The following CALCOCO1 variants were observed in gnomAD, a reference collection of about 807,000 sequenced individuals.
The protein encoded by CALCOCO1 is calcium binding and coiled-coil domain 1.
A neutral mutation model predicts 86.3 loss-of-function variants in CALCOCO1; 44 were observed. That is an observed-to-expected ratio of 0.51 (90% CI 0.40 to 0.66). The LOEUF is 0.66. Among genes scored for constraint, CALCOCO1 ranks in the 30% least tolerant of loss-of-function variants. CALCOCO1 has a pLI of 0.00. For missense variants in CALCOCO1, 708 were observed against 851.1 expected, an observed-to-expected ratio of 0.83 and a Z score of 2.09; for synonymous variants, 297 against 327.6, an observed-to-expected ratio of 0.91 and a Z score of 1.01.
intron 1 of CALCOCO1, among the ~76,000 whole-genome samples, chr12:53,727,127 G>A (rs1946057028): frequency 6.6e-6 from 1 of 152,042 alleles, no homozygotes; most frequent in African/African-American, 2.4e-5. Flanking sequence ...GAGCGAATAA[G>A]CAGATTTCAG....
At position 53,713,724 on chromosome 12, in the gene CALCOCO1, C is replaced by T. The variant is rs868841389; in HGVS notation, c.1768G>A (p.Ala590Thr). The T allele has an allele frequency of 1.3e-6, 2 of 1,583,076 alleles. No individual in the cohort carries two copies. Among genetic ancestry groups the T allele is most frequent in the Non-Finnish European group, 1.7e-6 (2 of 1,166,092 alleles). The change falls in exon 13 of 15, where the codon GCT becomes ACT. Residue 590 changes from alanine (A) to threonine (T), a missense_variant. Coordinates refer to ENST00000550804, the MANE Select transcript of CALCOCO1 (RefSeq NM_020898.3). ...ACCGAGTCAGAGCTACTGTCCTCAGCTGGCCCAGAGAGGTGAGGAGAAATG... is the reference window on the plus strand; with the variant it reads ...ACCGAGTCAGAGCTACTGTCCTCAGTTGGCCCAGAGAGGTGAGGAGAAATG... ...APISPHLSGP[A>T]EDSSSDSEAE...
intron 8 of CALCOCO1, 96 bp from the exon 9 acceptor site, chr12:53,716,143 C>A (rs2277370): frequency 6.3e-7 from 1 of 1,580,284 alleles, no homozygotes; most frequent in Non-Finnish European, 8.6e-7. Context: ...CATTAGGACT[C>A]GGGGTTGTGT....
At chr12:53,716,070 A>G (rs765962977) in intron 8 of CALCOCO1, 23 bp from the exon 9 acceptor site, 2 of 1,609,236 alleles carry the variant, frequency 1.2e-6, no homozygotes, top group Middle Eastern at 1.7e-4. Context: ...GAGGAGATGG[A>G]GATCAGAGTT....
chr12:53,715,327 TGA>T lies in CALCOCO1; in HGVS notation c.1261-4_1261-3del. 1.9e-6 allele frequency: 3 copies of T among 1,614,042 alleles called. No individual in the cohort carries two copies. Among genetic ancestry groups the T allele is most frequent in the Non-Finnish European group, 2.5e-6 (3 of 1,179,988 alleles). On this transcript the variant is annotated splice_region_variant and splice_polypyrimidine_tract_variant and intron_variant, in intron 9 of 14. Transcript: ENST00000550804. ...CTTCAGGATCTTGTCCTTCTCTGCC[TGA>T]GAGATAGCCAAGAAGGAAAATGGGA...
chr12:53,718,551 C>T (rs1033560154), intron 7 of CALCOCO1, among the ~76,000 whole-genome samples: 9 of 152,012 alleles, frequency 5.9e-5, no homozygotes, highest in Non-Finnish European at 1.0e-4. Context: ...TTTTCTGAGA[C>T]AGAATCTTGC....
At position 53,709,760 on chromosome 12, in the gene CALCOCO1, G is replaced by T. The variant is rs1469540695; in HGVS notation, c.*2184C>A. ...GTGGGTGTATGTGCGGCTTGGCAGGGGCTGTGGCATGGGAGCAGGGGCCTG... is the reference window on the plus strand; with the variant it reads ...GTGGGTGTATGTGCGGCTTGGCAGGTGCTGTGGCATGGGAGCAGGGGCCTG... On this transcript the variant is annotated 3_prime_UTR_variant, in exon 15 of 15. Transcript: ENST00000550804. 1.3e-5 allele frequency: 2 copies of T among 152,540 alleles called. No individual in the cohort carries two copies. Among genetic ancestry groups the T allele is most frequent in the Non-Finnish European group, 2.9e-5 (2 of 68,254 alleles). 9.4% of individuals were successfully genotyped at this position (152,540 alleles called of 1,614,324 possible).
Position 53,723,682 on chromosome 12 carries a change from G to A in CALCOCO1, c.361C>T (p.Pro121Ser). ...GTCACCAGTTCATCCATGGGCCTTG[G>A]CTCTCGGAACTGGAAAGGGGGGCTC... ...GQSPPFQFRE[P>S]RPMDELVTLE... The change falls in exon 4 of 15, where the codon CCA becomes TCA. Residue 121 changes from proline to serine, a missense_variant. Transcript: ENST00000550804. 1.2e-6 allele frequency: 2 copies of A among 1,614,186 alleles called. No homozygotes were observed. The highest frequency in any genetic ancestry group is 1.7e-6 in the Non-Finnish European group (2 of 1,180,032).
rs1179665960 is a variant in CALCOCO1, at chr12:53,714,593, C to T, written c.1482+5G>A. The T allele has an allele frequency of 1.9e-6, 3 of 1,612,258 alleles. No homozygotes were observed. The highest frequency in any genetic ancestry group is 1.7e-6 in the Non-Finnish European group (2 of 1,178,246). ...ATCCACGGGGCCTGGGTTATGGGTG[C>T]TCACCTGTTTCTCCTCCTGTAACTG... On this transcript the variant is annotated splice_donor_5th_base_variant and intron_variant, in intron 11 of 14. Coordinates refer to ENST00000550804, the MANE Select transcript of CALCOCO1 (RefSeq NM_020898.3).
Position 53,711,798 on chromosome 12 carries a change from A to C in CALCOCO1, c.*146T>G. The C allele has an allele frequency of 1.5e-6, 1 of 676,378 alleles. No individual in the cohort carries two copies. Among genetic ancestry groups the C allele is most frequent in the African/African-American group, 1.9e-5 (1 of 52,712 alleles). 41.9% of individuals were successfully genotyped at this position (676,378 alleles called of 1,614,324 possible). A position where few individuals can be genotyped will look rare whatever the true frequency, so the allele number is the denominator to read the frequency against. On this transcript the variant is annotated 3_prime_UTR_variant, in exon 15 of 15. Coordinates refer to ENST00000550804, the MANE Select transcript of CALCOCO1 (RefSeq NM_020898.3). ...GATGAAGTGAGAAATCTTGGGATGA[A>C]AACAGGGCACACAGAAGCAGTTCTT...
rs780142334 is a variant in CALCOCO1, at chr12:53,721,540, G to A, written c.685C>T (p.Arg229Cys). Residue 229 changes from arginine to cysteine, a missense_variant, in exon 6 of 15, where the codon CGC becomes TGC. Coordinates refer to ENST00000550804, the MANE Select transcript of CALCOCO1 (RefSeq NM_020898.3). ...LSRQQGDHVARILELEDDIQT... is the reference protein window; with the variant it reads ...LSRQQGDHVACILELEDDIQT... ...ATGTCATCCTCTAGCTCCAGGATGCGTGCCACATGGTCTCCCTGTTGCCGG... is the reference window on the plus strand; with the variant it reads ...ATGTCATCCTCTAGCTCCAGGATGCATGCCACATGGTCTCCCTGTTGCCGG... 8 of 1,613,724 alleles carry A rather than the reference G, an allele frequency of 5.0e-6. No homozygotes were observed. The highest frequency in any genetic ancestry group is 1.7e-5 in the Admixed American group (1 of 59,904).
At chr12:53,712,807 G>T (rs760082739) in intron 14 of CALCOCO1, 1 of 1,396,024 alleles carries the variant, frequency 7.2e-7, no homozygotes, top group Admixed American at 1.9e-5. Flanking sequence ...AGGCAGGAGA[G>T]AGGGGAAGCA....
chr12:53,719,235 T>G (rs1282298534), intron 7 of CALCOCO1, among the ~76,000 whole-genome samples: 1 of 151,836 alleles, frequency 6.6e-6, no homozygotes, highest in African/African-American at 2.4e-5. Context: ...TTTATTAGAT[T>G]TCTCTTGAGG....
At chr12:53,719,480 C>T (rs537567536) in intron 7 of CALCOCO1, among the ~76,000 whole-genome samples, 5 of 152,210 alleles carry the variant, frequency 3.3e-5, no homozygotes, top group South Asian at 2.1e-4. Flanking sequence ...GAGCTAAGAT[C>T]GTACCACTGC....
intron 9 of CALCOCO1, 66 bp downstream of exon 9, chr12:53,715,727 T>G: frequency 1.3e-6 from 2 of 1,582,410 alleles, no homozygotes; most frequent in Non-Finnish European, 8.6e-7. Flanking sequence ...TCTGACCACA[T>G]GTAGGAGTCC....
chr12:53,716,176 C>G, intron 8 of CALCOCO1, 84 bp downstream of exon 8: 1 of 1,587,392 alleles, frequency 6.3e-7, no homozygotes, highest in Non-Finnish European at 8.6e-7. Context: ...AGCCATGTCT[C>G]TCCCCTTCTC....
chr12:53,716,432 G>A lies in CALCOCO1; in HGVS notation c.850-17C>T, dbSNP rs1448432294. 1.2e-6 allele frequency: 2 copies of A among 1,614,052 alleles called. No homozygotes were observed. Among genetic ancestry groups the A allele is most frequent in the African/African-American group, 1.3e-5 (1 of 74,946 alleles). ...GAGCTCAGCCTGAGGGAAGTGGAAA[G>A]CAGGTAAGGAAAGGGGTATGTGTGT... On this transcript the variant is annotated splice_polypyrimidine_tract_variant and intron_variant, in intron 7 of 14. Transcript: ENST00000550804.
chr12:53,716,387 T>C lies in CALCOCO1; in HGVS notation c.878A>G (p.Asn293Ser). Residue 293 changes from asparagine to serine, a missense_variant, in exon 8 of 15, where the codon AAC becomes AGC. By Grantham distance (46) the Asn-to-Ser change is conservative. Coordinates refer to ENST00000550804, the MANE Select transcript of CALCOCO1 (RefSeq NM_020898.3). Reference sequence around the variant, plus strand: ...CTTCAGGTCCAAATTTAAGTGATGGTTCTCCTGTTGTGCCACTTGGAGCTC... The same window carrying C: ...CTTCAGGTCCAAATTTAAGTGATGGCTCTCCTGTTGTGCCACTTGGAGCTC... ...EAELQVAQQENHHLNLDLKEA... is the reference protein window; with the variant it reads ...EAELQVAQQESHHLNLDLKEA... 1 of 1,614,162 alleles carries C rather than the reference T, an allele frequency of 6.2e-7. No homozygotes were observed. The highest frequency in any genetic ancestry group is 8.5e-7 in the Non-Finnish European group (1 of 1,180,022).
intron 4 of CALCOCO1, among the ~76,000 whole-genome samples, chr12:53,722,703 C>T (rs1386986141): frequency 6.6e-6 from 1 of 152,078 alleles, no homozygotes; most frequent in Non-Finnish European, 1.5e-5. Context: ...CAGTGTCTCC[C>T]CCAGTAGCTG....
At chr12:53,714,292 C>A (rs751195021) in intron 11 of CALCOCO1, 51 bp from the exon 12 acceptor site, 25 of 1,361,668 alleles carry the variant, frequency 1.8e-5, no homozygotes, top group Non-Finnish European at 2.5e-5. Flanking sequence ...AAGGTGCCAA[C>A]CTTGCTAGCC....
Sources: allele counts gnomAD v4.1 joint callset (sites outside exome capture counted in the v4.1 genomes callset), GRCh38; gene constraint gnomAD v4.1.1; transcripts MANE v1.5; gene names NCBI Gene and HGNC (gene_info 2026-07-23, HGNC 2026-07-21).